The following SGSM2 variants were observed in gnomAD, a reference collection of about 807,000 sequenced individuals.
SGSM2 encodes the protein RUN and TBC1 domain containing 1.
Under a neutral mutation model 126.6 loss-of-function variants are expected in SGSM2, and 89 were observed. That is an observed-to-expected ratio of 0.70 (90% confidence interval 0.59 to 0.84). The LOEUF is 0.84. Among genes scored for constraint, SGSM2 ranks in the 40% least tolerant of loss-of-function variants. The probability of loss-of-function intolerance (pLI) is 0.00; values close to 1 mark genes in which losing one functional copy is unlikely to be tolerated. For synonymous variants in SGSM2, 614 were observed against 574.3 expected, an observed-to-expected ratio of 1.07 and a Z score of -0.99; for missense variants, 1,404 against 1,416.6, an observed-to-expected ratio of 0.99 and a Z score of 0.14.
chr17:2,380,194 C>T lies in SGSM2; in HGVS notation c.*674C>T. On this transcript the variant is annotated 3_prime_UTR_variant, in exon 24 of 24. Coordinates refer to ENST00000268989, the MANE Select transcript of SGSM2 (RefSeq NM_014853.3). ...TGAGGTGACCCCCAGGCCTCCCCGG[C>T]CTTGTACAGTGTACCTCTGTGTATC... 1 of 1,530,638 alleles carries T rather than the reference C, an allele frequency of 6.5e-7. No homozygotes were observed. The highest frequency in any genetic ancestry group is 8.7e-7 in the Non-Finnish European group (1 of 1,144,022). 94.8% of individuals were successfully genotyped at this position (1,530,638 alleles called of 1,614,324 possible).
chr17:2,365,493 T>C lies in SGSM2; in HGVS notation c.1288+152T>C, dbSNP rs968672751. On this transcript the variant is annotated intron_variant, in intron 11 of 23. Transcript: ENST00000268989. Reference sequence around the variant, plus strand: ...TCGCCTAGCCTCTCAGCTGGACCTTTTACCCACAGATATTGCCTTTGAAAA... The same window carrying C: ...TCGCCTAGCCTCTCAGCTGGACCTTCTACCCACAGATATTGCCTTTGAAAA... 4 of 942,198 alleles carry C rather than the reference T, an allele frequency of 4.2e-6. No individual in the cohort carries two copies. In the African/African-American group the frequency reaches 6.6e-5, roughly 16 times the overall value. 58.4% of individuals were successfully genotyped at this position (942,198 alleles called of 1,614,324 possible).
chr17:2,364,612 G>C lies in SGSM2; in HGVS notation c.949G>C (p.Ala317Pro). The C allele has an allele frequency of 1.2e-6, 2 of 1,614,200 alleles. No individual in the cohort carries two copies. The highest frequency in any genetic ancestry group is 1.7e-6 in the Non-Finnish European group (2 of 1,180,030). ...ELEKSVYWDY[A>P]LVVPFSQVVC... Reference sequence around the variant, plus strand: ...CCTTTCTAGCGTTTACTGGGACTATGCCCTCGTGGTGCCCTTCAGCCAGGT... The same window carrying C: ...CCTTTCTAGCGTTTACTGGGACTATCCCCTCGTGGTGCCCTTCAGCCAGGT... Residue 317 changes from alanine (A) to proline (P), a missense_variant, in exon 9 of 24, where the codon GCC (alanine) becomes CCC (proline). Physicochemically the swap from Ala to Pro is conservative, Grantham distance 27 (BLOSUM62 -1). Coordinates refer to ENST00000268989, the MANE Select transcript of SGSM2 (RefSeq NM_014853.3).
intron 12 of SGSM2, among the ~76,000 whole-genome samples, chr17:2,368,185 T>G (rs2065684652): frequency 6.6e-6 from 1 of 152,124 alleles, no homozygotes; most frequent in Non-Finnish European, 1.5e-5. Flanking sequence ...AGAGGTCACC[T>G]TTGTTGGAGG....
rs1161078285 is a variant in SGSM2 at position 2,367,556 on chromosome 17, G to A, written c.1423+151G>A. On this transcript the variant is annotated intron_variant, in intron 12 of 23. Transcript: ENST00000268989. This position sits in a 1 kb window ranked among gnomAD's most constrained non-coding sequence, Gnocchi z 4.0. ...CTTCCATCGGGGGCAGATCAGGGAGGGCAGAAGGAGGCCAGACAGGTGCTG... is the reference window on the plus strand; with the variant it reads ...CTTCCATCGGGGGCAGATCAGGGAGAGCAGAAGGAGGCCAGACAGGTGCTG... 9.4e-6 allele frequency: 8 copies of A among 847,438 alleles called. No individual in the cohort carries two copies. Among genetic ancestry groups the A allele is most frequent in the Non-Finnish European group, 1.4e-5 (8 of 557,704 alleles). 52.5% of individuals were successfully genotyped at this position (847,438 alleles called of 1,614,324 possible). A position where few individuals can be genotyped will look rare whatever the true frequency, so the allele number is the denominator to read the frequency against.
chr17:2,371,107 T>C (rs2065847804), intron 12 of SGSM2, among the ~76,000 whole-genome samples, 155 bp from the exon 13 acceptor site: 1 of 152,186 alleles, frequency 6.6e-6, no homozygotes, highest in Non-Finnish European at 1.5e-5. Flanking sequence ...ACCGTTTCCA[T>C]CTCTGGGCTC....
At chr17:2,340,778 G>A (rs907098210) in intron 1 of SGSM2, among the ~76,000 whole-genome samples, 3 of 152,130 alleles carry the variant, frequency 2.0e-5, no homozygotes, top group South Asian at 2.1e-4. Flanking sequence ...TAGAGACGGG[G>A]TTTCACCATG....
chr17:2,353,693 A>C (rs1266850000), intron 2 of SGSM2, among the ~76,000 whole-genome samples: 5 of 152,138 alleles, frequency 3.3e-5, no homozygotes, highest in Admixed American at 2.0e-4. Flanking sequence ...TGAGCCTGGG[A>C]GGCAGAGGTT....
rs1335073579 is a variant in SGSM2 at position 2,367,148 on chromosome 17, T to C, written c.1289-123T>C. 8.7e-7 allele frequency: 1 copy of C among 1,148,448 alleles called. No homozygotes were observed. Among genetic ancestry groups the C allele is most frequent in the Non-Finnish European group, 1.2e-6 (1 of 835,692 alleles). 71.1% of individuals were successfully genotyped at this position (1,148,448 alleles called of 1,614,324 possible). A position where few individuals can be genotyped will look rare whatever the true frequency, so the allele number is the denominator to read the frequency against. On this transcript the variant is annotated intron_variant, in intron 11 of 23. Coordinates refer to ENST00000268989, the MANE Select transcript of SGSM2 (RefSeq NM_014853.3). This position sits in a 1 kb window ranked among gnomAD's most constrained non-coding sequence, Gnocchi z 4.0. ...AGCTTTCTGGTCCCCTCCCTTCCCC[T>C]CTTCTGTGCCCTGCAGATTCACGAT...
Position 2,379,493 on chromosome 17 carries a change from G to C in SGSM2, c.3129G>C (p.Lys1043Asn). Reference sequence around the variant, plus strand: ...GGATTGCCCGGGACCTCGTCCACAAGGTGCAGATGCTCATAGAGAACAAGT... The same window carrying C: ...GGATTGCCCGGGACCTCGTCCACAACGTGCAGATGCTCATAGAGAACAAGT... ...ILRIARDLVH[K>N]VQMLIENK Residue 1043 changes from lysine to asparagine, a missense_variant, in exon 24 of 24, where the codon AAG (lysine) becomes AAC (asparagine). Transcript: ENST00000268989. 6.2e-7 allele frequency: 1 copy of C among 1,613,550 alleles called. No homozygotes were observed.
At chr17:2,352,933 A>G (rs189291173) in intron 2 of SGSM2, among the ~76,000 whole-genome samples, 58,609 of 116,912 alleles carry the variant, frequency 0.5, 16,681 homozygotes, top group East Asian at 0.73. Context: ...GTCCGCCACC[A>G]CGCCCGGCTA....
chr17:2,340,447 G>C (rs937328491), intron 1 of SGSM2, among the ~76,000 whole-genome samples: 1 of 152,114 alleles, frequency 6.6e-6, no homozygotes, highest in Non-Finnish European at 1.5e-5. Flanking sequence ...CCAGTGCTTA[G>C]AAACTGGACT....
rs527971033 is a variant in SGSM2, at chr17:2,379,507, T to G, written c.3143T>G (p.Ile1048Arg). Residue 1048 changes from isoleucine (I) to arginine (R), a missense_variant, in exon 24 of 24, where the codon ATA (isoleucine) becomes AGA (arginine). Coordinates refer to ENST00000268989, the MANE Select transcript of SGSM2 (RefSeq NM_014853.3). ...CTCGTCCACAAGGTGCAGATGCTCA[T>G]AGAGAACAAGTGAGCTGGGGCCAGG... ...RDLVHKVQML[I>R]ENK The G allele has an allele frequency of 6.2e-7, 1 of 1,612,700 alleles. No homozygotes were observed. The highest frequency in any genetic ancestry group is 1.3e-5 in the African/African-American group (1 of 75,036).
In SGSM2 at chr17:2,362,808, T is replaced by G. The variant is rs2065377107; in HGVS notation, c.459-30T>G. On this transcript the variant is annotated intron_variant, in intron 4 of 23. Coordinates refer to ENST00000268989, the MANE Select transcript of SGSM2 (RefSeq NM_014853.3). The surrounding 1 kb of genome is among the most constrained non-coding windows in gnomAD (Gnocchi z 4.9). Reference sequence around the variant, plus strand: ...CTGCCCTGGAATGAGCCCCGGAGCCTCGGCAGTCACACTGTCTGTCTCCTG... The same window carrying G: ...CTGCCCTGGAATGAGCCCCGGAGCCGCGGCAGTCACACTGTCTGTCTCCTG... 2 of 1,612,484 alleles carry G rather than the reference T, an allele frequency of 1.2e-6. No individual in the cohort carries two copies. Among genetic ancestry groups the G allele is most frequent in the East Asian group, 4.5e-5 (2 of 44,882 alleles).
In SGSM2 at chr17:2,367,448, TC is replaced by T; in HGVS notation, c.1423+46del. ...TCCCTGACCCACCTCATCCCCACCCTCCCTCCCGGGCCCGCCTGCCACCCAC... is the reference window on the plus strand; with the variant it reads ...TCCCTGACCCACCTCATCCCCACCCTCCTCCCGGGCCCGCCTGCCACCCAC... On this transcript the variant is annotated intron_variant, in intron 12 of 23. Coordinates refer to ENST00000268989, the MANE Select transcript of SGSM2 (RefSeq NM_014853.3). The surrounding 1 kb of genome is among the most constrained non-coding windows in gnomAD (Gnocchi z 4.0). 7.1e-7 allele frequency: 1 copy of T among 1,406,350 alleles called. No homozygotes were observed. Among genetic ancestry groups the T allele is most frequent in the East Asian group, 2.9e-5 (1 of 34,506 alleles). The allele number at this position is 1,406,350 out of a possible 1,614,324, so 87.1% of individuals were successfully genotyped here.
Position 2,380,227 on chromosome 17 carries a change from C to T in SGSM2, c.*707C>T. ...AGTGTACCTCTGTGTATCTGTACAG[C>T]CTCGCTCCTGCCACCCCACCCTTGC... On this transcript the variant is annotated 3_prime_UTR_variant, in exon 24 of 24. Transcript: ENST00000268989. The T allele has an allele frequency of 5.2e-6, 8 of 1,535,792 alleles. No homozygotes were observed. Among genetic ancestry groups the T allele is most frequent in the Non-Finnish European group, 7.0e-6 (8 of 1,146,706 alleles).
intron 12 of SGSM2, among the ~76,000 whole-genome samples, chr17:2,369,912 C>T (rs571243997): frequency 5.9e-5 from 9 of 152,320 alleles, no homozygotes; most frequent in East Asian, 1.9e-4. Context: ...CTCCTCACCA[C>T]GCGTGTTCCC....
At chr17:2,376,549 T>C in intron 19 of SGSM2, 184 bp from the exon 20 acceptor site, 2 of 723,902 alleles carry the variant, frequency 2.8e-6, no homozygotes, top group Non-Finnish European at 4.6e-6. Context: ...TAAGTCGGAG[T>C]GCCTTGGGGG....
At position 2,373,450 on chromosome 17, in the gene SGSM2, A is replaced by AG; in HGVS notation, c.2039dup (p.Ser681GlnfsTer27). Reference sequence around the variant, plus strand: ...CAGCCACACGCACCAAGTTCTCCTCAGGCAGCAGCATCGACAGCCACGTGC... The same window carrying AG: ...CAGCCACACGCACCAAGTTCTCCTCAGGGCAGCAGCATCGACAGCCACGTGC... On this transcript the variant is annotated frameshift_variant, in exon 17 of 24. Coordinates refer to ENST00000268989, the MANE Select transcript of SGSM2 (RefSeq NM_014853.3). LOFTEE classifies it high-confidence loss of function. 1 of 1,610,364 alleles carries AG rather than the reference A, an allele frequency of 6.2e-7. No individual in the cohort carries two copies. Among genetic ancestry groups the AG allele is most frequent in the Non-Finnish European group, 8.5e-7 (1 of 1,179,968 alleles).
chr17:2,363,174 A>C lies in SGSM2; in HGVS notation c.672+40A>C. ...CCCACCCTTTGGGCTCATCTGGGCT[A>C]TGCCCATGGGCCTGTAGGGACGGGA... is the stretch of plus-strand genomic sequence containing the variant. On this transcript the variant is annotated intron_variant, in intron 6 of 23. Transcript: ENST00000268989. The surrounding 1 kb of genome is among the most constrained non-coding windows in gnomAD (Gnocchi z 4.2). The C allele has an allele frequency of 6.4e-7, 1 of 1,555,572 alleles. No individual in the cohort carries two copies. The highest frequency in any genetic ancestry group is 8.7e-7 in the Non-Finnish European group (1 of 1,154,352).
Sources: gnomAD v4.1 joint callset for allele counts (sites outside exome capture counted in the v4.1 genomes callset) on GRCh38, gnomAD v4.1.1 for gene constraint, Gnocchi (gnomAD v3.1) non-coding constraint, MANE v1.5 for transcripts, NCBI Gene and HGNC (gene_info 2026-07-23, HGNC 2026-07-21) for gene names.